Variants in SEM1 observed in about 807,000 individuals in gnomAD.
The protein encoded by SEM1 is 26S proteasome complex subunit SEM1.
SEM1 carries 3 observed loss-of-function variants against 12.7 expected under a neutral mutation model. The observed-to-expected ratio is 0.24, with a 90% CI of 0.11 to 0.61. SEM1 has a LOEUF of 0.61. SEM1 is among the 20% of genes least tolerant of loss of function. The probability of loss-of-function intolerance (pLI) is 0.88; values close to 1 mark genes in which losing one functional copy is unlikely to be tolerated. For synonymous variants in SEM1, 30 were observed against 27.8 expected (o/e 1.08, Z -0.25); for missense variants, 59 against 81.3 (o/e 0.73, Z 1.06).
chr7:96,661,918 G>A (rs1363386859), intron 2 of SEM1, among the ~76,000 whole-genome samples: 1 of 149,988 alleles, frequency 6.7e-6, no homozygotes, highest in Non-Finnish European at 1.5e-5. Context: ...AACCCGGGAG[G>A]TAGAGGTTGT....
In SEM1 at chr7:96,529,632, A is replaced by G. The variant is rs548882905; in HGVS notation, c.171-22934T>C. 1.5e-3 allele frequency among the ~76,000 whole-genome samples: 234 copies of G among 152,116 alleles called. 1 individual carries two copies. The highest frequency in any genetic ancestry group is 5.4e-3 in the African/African-American group (223 of 41,498). ...CAGCTCTTGATAAAAAAAAAATTGT[A>G]GTTCTTGAAGAAGGGTTCTCACTTA... is the stretch of plus-strand genomic sequence containing the variant. On this transcript the variant is annotated intron_variant and NMD_transcript_variant, in intron 2 of 3. Transcript: ENST00000466986.
chr7:96,638,881 C>G (rs933761761), intron 2 of SEM1, among the ~76,000 whole-genome samples: 12 of 151,910 alleles, frequency 7.9e-5, no homozygotes, highest in Non-Finnish European at 1.2e-4. Flanking sequence ...TTCCTGGATT[C>G]AAGCCTGCCT....
intron 2 of SEM1, among the ~76,000 whole-genome samples, chr7:96,567,733 C>T (rs904747732): frequency 1.3e-5 from 2 of 151,338 alleles, no homozygotes; most frequent in Non-Finnish European, 3.0e-5. Context: ...CCTTCATACC[C>T]TTTCTGAGCA....
chr7:96,624,217 G>A (rs796815515), intron 2 of SEM1, among the ~76,000 whole-genome samples: 6 of 152,140 alleles, frequency 3.9e-5, no homozygotes, highest in South Asian at 2.1e-4. Flanking sequence ...TTACTTTTAC[G>A]TGACTCAATA....
chr7:96,660,385 T>G (rs530220456), intron 2 of SEM1, among the ~76,000 whole-genome samples: 26 of 152,308 alleles, frequency 1.7e-4, no homozygotes, highest in African/African-American at 5.8e-4. Context: ...CAATTCTTGA[T>G]AGGTCAAAGA....
At chr7:96,689,073 T>C in intron 2 of SEM1, 107 bp from the exon 3 acceptor site, 1 of 640,452 alleles carries the variant, frequency 1.6e-6, no homozygotes. Flanking sequence ...GAGACATCAA[T>C]TTACAATACC....
At chr7:96,517,618 C>T (rs186130367) in intron 2 of SEM1, among the ~76,000 whole-genome samples, 4 of 152,018 alleles carry the variant, frequency 2.6e-5, no homozygotes, top group African/African-American at 9.7e-5. Flanking sequence ...TGAGAATTGC[C>T]TATTTACATA....
chr7:96,603,264 C>T (rs928599769), intron 2 of SEM1, among the ~76,000 whole-genome samples: 2 of 152,258 alleles, frequency 1.3e-5, no homozygotes, highest in South Asian at 2.1e-4. Context: ...TGATAAGAAA[C>T]TTCTAAGTGG....
rs1255244879 is a variant in SEM1, at chr7:96,483,848, T to C, written c.*11A>G. ...TATGACCAGACTTCCATCTCTGCTA[T>C]TGATATGCTGCTAGCAAGTTCTTTC... On this transcript the variant is annotated 3_prime_UTR_variant, in exon 4 of 4. Transcript: ENST00000356686. 3.9e-6 allele frequency: 6 copies of C among 1,536,442 alleles called. No individual in the cohort carries two copies. The African/African-American group carries it at 4.1e-5, about 11-fold the overall frequency.
At chr7:96,568,158 A>G (rs1805907860) in intron 2 of SEM1, among the ~76,000 whole-genome samples, 1 of 151,846 alleles carries the variant, frequency 6.6e-6, no homozygotes, top group African/African-American at 2.4e-5. Context: ...AACAACTTTT[A>G]TAATTTCTCT....
intron 2 of SEM1, among the ~76,000 whole-genome samples, chr7:96,639,161 G>T (rs1393441676): frequency 2.0e-5 from 3 of 151,948 alleles, no homozygotes; most frequent in Non-Finnish European, 2.9e-5. Flanking sequence ...AACTGGGAAT[G>T]ATCTCCAGTT....
chr7:96,531,529 G>A (rs754251702), intron 2 of SEM1, among the ~76,000 whole-genome samples: 12 of 151,442 alleles, frequency 7.9e-5, no homozygotes, highest in Non-Finnish European at 1.0e-4. Context: ...GACTGTGTGG[G>A]CCCAGAAGGT....
intron 2 of SEM1, among the ~76,000 whole-genome samples, chr7:96,683,450 T>C (rs1789674575): frequency 6.6e-6 from 1 of 152,122 alleles, no homozygotes; most frequent in Admixed American, 6.6e-5. Flanking sequence ...TGTAAATTAG[T>C]TCAACCATTG....
At chr7:96,619,496 G>A (rs1170815913), downstream of SEM1, among the ~76,000 whole-genome samples, 3 of 152,112 alleles carry the variant, frequency 2.0e-5, no homozygotes, top group Admixed American at 1.3e-4. Context: ...AGCGGGGTGA[G>A]TGTGCCTGTT....
rs1196622658 is a variant in SEM1, at chr7:96,691,372, A to T, written c.171-2406T>A. The stretch of plus-strand genomic sequence containing the variant: ...TGTTAAATCACTTAAACGTTATAAT[A>T]ACTCTAGCAGTAAAGCACTAATTAT... On this transcript the variant is annotated intron_variant, in intron 2 of 2. Transcript: ENST00000248566. 2.0e-5 allele frequency among the ~76,000 whole-genome samples: 3 copies of T among 152,344 alleles called. No homozygotes were observed. In the East Asian group the frequency reaches 5.8e-4, roughly 29 times the overall value.
intron 2 of SEM1, among the ~76,000 whole-genome samples, chr7:96,681,869 C>T (rs188259129): frequency 6.6e-6 from 1 of 152,064 alleles, no homozygotes; most frequent in Admixed American, 6.6e-5. Flanking sequence ...GCTATGCAGG[C>T]TCTTTTTTGG....
chr7:96,644,394 T>A (rs545438101), intron 2 of SEM1, among the ~76,000 whole-genome samples: 9 of 152,268 alleles, frequency 5.9e-5, no homozygotes, highest in African/African-American at 2.2e-4. Context: ...CTGTAAGGTT[T>A]GGTTTCCTGT....
intron 2 of SEM1, among the ~76,000 whole-genome samples, chr7:96,509,237 C>T (rs1156958657): frequency 6.6e-6 from 1 of 150,672 alleles, no homozygotes; most frequent in African/African-American, 2.4e-5. Flanking sequence ...AACTCCTGGC[C>T]TCAAGTGATC....
At chr7:96,485,744 G>A (rs1004695178) in intron 2 of SEM1, among the ~76,000 whole-genome samples, 2 of 151,808 alleles carry the variant, frequency 1.3e-5, no homozygotes, top group Non-Finnish European at 2.9e-5. Context: ...GTTTCACTAT[G>A]TTGGCCAGGT....
Sources: gnomAD v4.1 joint callset for allele counts (sites outside exome capture counted in the v4.1 genomes callset) on GRCh38, gnomAD v4.1.1 for gene constraint, MANE v1.5 for transcripts, NCBI Gene and HGNC (gene_info 2026-07-23, HGNC 2026-07-21) for gene names.